The following STARD13 variants were observed in gnomAD, a reference collection of about 807,000 sequenced individuals.
The protein encoded by STARD13 is StAR related lipid transfer domain containing 13, also known as stAR-related lipid transfer protein 13.
STARD13 carries 62 observed loss-of-function variants against 106.4 expected under a neutral mutation model. The observed-to-expected ratio is 0.58, with a 90% confidence interval of 0.48 to 0.72. The LOEUF (loss-of-function observed/expected upper bound fraction) is 0.72, where lower values mean the gene tolerates loss of function less well. Ranked by LOEUF, STARD13 falls within the 30% of genes least tolerant of loss-of-function variation. The pLI is 0.00. For missense variants in STARD13, 1,387 were observed against 1,424.0 expected (o/e 0.97, Z 0.42); for synonymous variants, 565 against 553.0 (o/e 1.02, Z -0.31).
chr13:33,226,940 C>T (rs1888656869), intron 1 of STARD13, among the ~76,000 whole-genome samples: 1 of 152,172 alleles, frequency 6.6e-6, no homozygotes, highest in Non-Finnish European at 1.5e-5. Context: ...ACACATTTCT[C>T]TCCATTAAAC....
intron 3 of STARD13, among the ~76,000 whole-genome samples, chr13:33,161,767 G>A (rs1055687192): frequency 6.6e-6 from 1 of 152,184 alleles, no homozygotes; most frequent in Non-Finnish European, 1.5e-5. Context: ...CCGAGACTGG[G>A]AAGAAAAAGA....
At chr13:33,544,581 A>G in the STARD13 span, among the ~76,000 whole-genome samples, 1 of 152,098 alleles carries the variant, frequency 6.6e-6, no homozygotes, top group South Asian at 2.1e-4. Context: ...TGTTTACTGG[A>G]TGTAAGCTTC....
chr13:33,253,283 T>C (rs191546767), intron 1 of STARD13, among the ~76,000 whole-genome samples: 3 of 152,350 alleles, frequency 2.0e-5, no homozygotes, highest in Non-Finnish European at 2.9e-5. Context: ...GGATTTGTGA[T>C]GTGATGTTCA....
chr13:33,394,986 T>C, the STARD13 span, among the ~76,000 whole-genome samples: 1 of 152,188 alleles, frequency 6.6e-6, no homozygotes, highest in Non-Finnish European at 1.5e-5. Context: ...TAACGGGCCT[T>C]GTGTTCTCTA....
chr13:33,666,999 C>T, the STARD13 span, among the ~76,000 whole-genome samples: 7 of 152,308 alleles, frequency 4.6e-5, no homozygotes, highest in South Asian at 2.1e-4. Context: ...AATTTACTTC[C>T]GTTAACCACA....
the STARD13 span, among the ~76,000 whole-genome samples, chr13:33,492,123 G>A: frequency 3.3e-5 from 5 of 152,130 alleles, no homozygotes; most frequent in African/African-American, 1.2e-4. Context: ...ATTTCACAAG[G>A]TAATGTCATC....
At chr13:33,650,127 C>A in the STARD13 span, among the ~76,000 whole-genome samples, 1 of 132,290 alleles carries the variant, frequency 7.6e-6, no homozygotes, top group African/African-American at 2.8e-5. Context: ...GGCGGTGGAG[C>A]CTATTTGGTC....
chr13:33,639,231 T>C, the STARD13 span, among the ~76,000 whole-genome samples: 1 of 152,114 alleles, frequency 6.6e-6, no homozygotes, highest in South Asian at 2.1e-4. Context: ...GTTCGAGTGG[T>C]CTGAGAGGCC....
downstream of STARD13, among the ~76,000 whole-genome samples, chr13:33,346,130 G>A (rs1453950556): frequency 1.3e-5 from 2 of 152,198 alleles, no homozygotes; most frequent in African/African-American, 2.4e-5. Context: ...CAGGCACACA[G>A]GGCAAGAAAT....
the STARD13 span, among the ~76,000 whole-genome samples, chr13:33,615,891 C>T: frequency 3.2e-4 from 49 of 152,266 alleles, no homozygotes; most frequent in Non-Finnish European, 5.6e-4. Flanking sequence ...ATACTAATTG[C>T]GTACCTATAG....
At chr13:33,177,093 A>G (rs1277024352) in intron 1 of STARD13, among the ~76,000 whole-genome samples, 2 of 152,200 alleles carry the variant, frequency 1.3e-5, no homozygotes, top group Non-Finnish European at 2.9e-5. Flanking sequence ...CCAGGTGGCT[A>G]CCTTGTCTAA....
At chr13:33,501,495 T>C in the STARD13 span, among the ~76,000 whole-genome samples, 1 of 152,232 alleles carries the variant, frequency 6.6e-6, no homozygotes, top group Non-Finnish European at 1.5e-5. Flanking sequence ...CTAGGTTTTC[T>C]TCTAGGGTTT....
At chr13:33,385,720 C>T in the STARD13 span, among the ~76,000 whole-genome samples, 4,541 of 151,228 alleles carry the variant, frequency 0.03, 115 homozygotes, top group Admixed American at 0.088. Flanking sequence ...ATTAGCTGGG[C>T]GTGGTGGTGC....
intron 1 of STARD13, among the ~76,000 whole-genome samples, chr13:33,319,366 C>T (rs759486800): frequency 3.9e-5 from 6 of 151,992 alleles, no homozygotes; most frequent in Non-Finnish European, 8.8e-5. Flanking sequence ...CAGAAAGTTG[C>T]TAACTGTTGG....
At chr13:33,546,291 TAAG>T in the STARD13 span, among the ~76,000 whole-genome samples, 36 of 152,338 alleles carry the variant, frequency 2.4e-4, no homozygotes, top group African/African-American at 7.9e-4. Flanking sequence ...AGCATTTGTC[TAAG>T]AAGAATTAAG....
chr13:33,127,382 C>A lies in STARD13; in HGVS notation c.1913G>T (p.Gly638Val). The A allele has an allele frequency of 6.3e-7, 1 of 1,598,578 alleles. No homozygotes were observed. ...TGAATGTGCTACGCACCATGTCCAG[C>A]CGTGCTTGTTGGACATGGAGTGCTT... ...MEKHSMSNKH[G>V]WTWSVPKFMK... Residue 638 changes from glycine (G) to valine (V), a missense_variant, in exon 6 of 14, where the codon GGC becomes GTC. Gly to Val is a moderately radical substitution (Grantham distance 109). Coordinates refer to ENST00000336934, the MANE Select transcript of STARD13 (RefSeq NM_178006.4).
the STARD13 span, among the ~76,000 whole-genome samples, chr13:33,512,348 G>A: frequency 2.0e-5 from 3 of 152,248 alleles, no homozygotes; most frequent in South Asian, 6.2e-4. Context: ...TACAAGATGA[G>A]GAGTAATAAA....
At chr13:33,176,523 C>T (rs1373645431) in intron 1 of STARD13, among the ~76,000 whole-genome samples, 1 of 152,164 alleles carries the variant, frequency 6.6e-6, no homozygotes. Context: ...GTCAAAGATA[C>T]TGCTGAGCTT....
intron 4 of STARD13, chr13:33,138,717 T>C (rs1593940927): frequency 5.8e-6 from 2 of 346,828 alleles, no homozygotes; most frequent in East Asian, 9.5e-5. Context: ...GCGGCAGAAG[T>C]GCTGGTGTCC....
Sources: allele counts gnomAD v4.1 joint callset (sites outside exome capture counted in the v4.1 genomes callset), GRCh38; gene constraint gnomAD v4.1.1; transcripts MANE v1.5; gene names NCBI Gene and HGNC (gene_info 2026-07-23, HGNC 2026-07-21).